The following ZNF329 variants were observed in gnomAD, a reference collection of about 807,000 sequenced individuals.
ZNF329 encodes zinc finger protein 329.
ZNF329 carries 15 observed loss-of-function variants against 26.6 expected under a neutral mutation model. The ratio of observed to expected loss-of-function variants is 0.56; its 90% CI spans 0.38 to 0.87. ZNF329 has a LOEUF of 0.87. Among genes scored for constraint, ZNF329 ranks in the 40% least tolerant of loss-of-function variants. The probability of loss-of-function intolerance (pLI) is 0.00; values close to 1 mark genes in which losing one functional copy is unlikely to be tolerated. For missense variants in ZNF329, 651 were observed against 651.9 expected (o/e 1.00, Z 0.02); for synonymous variants, 239 against 233.5 (o/e 1.02, Z -0.21).
chr19:58,128,466 G>A lies in ZNF329; in HGVS notation c.1038C>T (p.Ser346=). The change falls in exon 4 of 4, where the codon AGC becomes AGT. Residue 346 remains serine (S), a synonymous_variant. Transcript: ENST00000598312. ...IHTGEKPYEC[S]KCGKAFRDGS... The stretch of plus-strand genomic sequence containing the variant: ...CGTCCCGGAAAGCCTTTCCACATTT[G>A]CTACACTCATAGGGCTTCTCACCGG... 6.8e-6 allele frequency: 11 copies of A among 1,612,834 alleles called. No individual in the cohort carries two copies. The highest frequency in any genetic ancestry group is 9.3e-6 in the Non-Finnish European group (11 of 1,179,416).
intron 1 of ZNF329, 81 bp downstream of exon 1, chr19:58,150,671 C>G (rs991418197): frequency 2.0e-5 from 3 of 152,826 alleles, no homozygotes; most frequent in African/African-American, 4.8e-5. Flanking sequence ...CCCACAAGGA[C>G]CCGGCGGACC....
In ZNF329 at chr19:58,129,141, G is replaced by A; in HGVS notation, c.363C>T (p.Asp121=). ...PKSYADKRTG[D]SDACGKGFNH... is the part of the protein sequence containing the mutation. ...TGAAGCCTTTTCCACAGGCATCACT[G>A]TCACCAGTTCTCTTATCTGCATAAC... Residue 121 remains aspartate, a synonymous_variant, in exon 4 of 4, where the codon GAC becomes GAT. Coordinates refer to ENST00000598312, the MANE Select transcript of ZNF329 (RefSeq NM_024620.4). 1 of 1,614,102 alleles carries A rather than the reference G, an allele frequency of 6.2e-7. No homozygotes were observed. Among genetic ancestry groups the A allele is most frequent in the Non-Finnish European group, 8.5e-7 (1 of 1,180,034 alleles).
intron 3 of ZNF329, among the ~76,000 whole-genome samples, chr19:58,130,835 CCATTCATTCGTT>C (rs1421936748): frequency 6.6e-6 from 1 of 152,158 alleles, no homozygotes; most frequent in Admixed American, 6.6e-5. Flanking sequence ...AACTGGTTGT[CCATTCATTCGTT>C]CATTCATTTG....
chr19:58,128,838 G>T lies in ZNF329; in HGVS notation c.666C>A (p.His222Gln). Reference protein sequence around the residue: ...FKRNSSLVLHHRTHTGEKPYT... With the variant: ...FKRNSSLVLHQRTHTGEKPYT... The stretch of plus-strand genomic sequence containing the variant: ...AAGGCTTCTCTCCGGTGTGAGTTCG[G>T]TGATGCAAAACAAGAGAAGAGTTCC... The change falls in exon 4 of 4, where the codon CAC (histidine) becomes CAA (glutamine). Residue 222 changes from histidine to glutamine, a missense_variant. Transcript: ENST00000598312. The T allele has an allele frequency of 6.2e-7, 1 of 1,610,380 alleles. No homozygotes were observed. The highest frequency in any genetic ancestry group is 8.5e-7 in the Non-Finnish European group (1 of 1,178,482).
rs1555806029 is a variant in ZNF329 at position 58,129,213 on chromosome 19, A to C, written c.291T>G (p.Asn97Lys). The change falls in exon 4 of 4, where the codon AAT becomes AAG. Residue 97 changes from asparagine (N) to lysine (K), a missense_variant. Physicochemically the swap from Asn to Lys is moderately conservative, Grantham distance 94. Transcript: ENST00000598312. ...ATNGFHAPDS[N>K]VSGLDCDPAL... is the part of the protein sequence containing the mutation. ...CGGGGTCACAATCCAGACCACTAAC[A>C]TTTGAGTCAGGTGCATGGAAACCAT... 6.2e-7 allele frequency: 1 copy of C among 1,614,178 alleles called. No homozygotes were observed. Among genetic ancestry groups the C allele is most frequent in the East Asian group, 2.2e-5 (1 of 44,870 alleles).
chr19:58,129,585 G>T, intron 3 of ZNF329, 74 bp from the exon 4 acceptor site: 1 of 1,289,762 alleles, frequency 7.8e-7, no homozygotes, highest in Non-Finnish European at 1.1e-6. Flanking sequence ...ATGATGATGG[G>T]CTAGGTGTAA....
intron 1 of ZNF329, among the ~76,000 whole-genome samples, chr19:58,148,645 G>C (rs950649178): frequency 1.3e-5 from 2 of 152,228 alleles, no homozygotes; most frequent in South Asian, 4.1e-4. Flanking sequence ...TTAAGACCAG[G>C]AGTTCAAGAA....
intron 3 of ZNF329, among the ~76,000 whole-genome samples, chr19:58,131,058 C>T (rs2074929115): frequency 6.6e-6 from 1 of 152,014 alleles, no homozygotes; most frequent in Admixed American, 6.6e-5. Flanking sequence ...CCTCAGAATA[C>T]ATACATACAT....
intron 1 of ZNF329, among the ~76,000 whole-genome samples, chr19:58,147,317 G>A (rs1216773429): frequency 6.7e-6 from 1 of 150,136 alleles, no homozygotes; most frequent in Middle Eastern, 3.5e-3. Context: ...CCGCCAGGCA[G>A]CCGCCCCGTC....
chr19:58,128,432 G>C lies in ZNF329; in HGVS notation c.1072C>G (p.Leu358Val). Residue 358 changes from leucine to valine, a missense_variant, in exon 4 of 4, where the codon CTC (leucine) becomes GTC (valine). Leu to Val is a conservative substitution (Grantham distance 32). Transcript: ENST00000598312. ...CGKAFRDGSY[L>V]TQHERTHTGE... The stretch of plus-strand genomic sequence containing the variant: ...GTGTGAGTCCTCTCATGCTGGGTGA[G>C]GTACGAGCCGTCCCGGAAAGCCTTT... 1 of 1,613,766 alleles carries C rather than the reference G, an allele frequency of 6.2e-7. No individual in the cohort carries two copies. The highest frequency in any genetic ancestry group is 8.5e-7 in the Non-Finnish European group (1 of 1,179,868).
rs771491336 is a variant in ZNF329 at position 58,128,390 on chromosome 19, C to T, written c.1114G>A (p.Glu372Lys). Residue 372 changes from glutamate to lysine, a missense_variant, in exon 4 of 4, where the codon GAG becomes AAG. Transcript: ENST00000598312. ...AAGGATTTCCCGCACTCTGCACACT[C>T]AAAGGGCTTTTCTCCAGTGTGAGTC... is the stretch of plus-strand genomic sequence containing the variant. ...ERTHTGEKPF[E>K]CAECGKSFNR... 3.7e-6 allele frequency: 6 copies of T among 1,613,954 alleles called. No individual in the cohort carries two copies. In the African/African-American group the frequency reaches 8.0e-5, roughly 22 times the overall value.
At chr19:58,144,201 G>A (rs1188852973) in intron 1 of ZNF329, among the ~76,000 whole-genome samples, 1 of 151,728 alleles carries the variant, frequency 6.6e-6, no homozygotes, top group Non-Finnish European at 1.5e-5. Context: ...TTCAGATGGA[G>A]TCTTGCTCTG....
At chr19:58,149,076 A>G (rs1373216413) in intron 1 of ZNF329, among the ~76,000 whole-genome samples, 1 of 152,220 alleles carries the variant, frequency 6.6e-6, no homozygotes, top group Non-Finnish European at 1.5e-5. Context: ...AGCTTGCAGT[A>G]AAGGTGGCTA....
chr19:58,126,893 T>C lies in ZNF329; in HGVS notation c.*985A>G, dbSNP rs2074813619. 1 of 152,222 alleles carries C rather than the reference T, an allele frequency of 6.6e-6. No individual in the cohort carries two copies. 9.4% of individuals were successfully genotyped at this position (152,222 alleles called of 1,614,324 possible). On this transcript the variant is annotated 3_prime_UTR_variant, in exon 4 of 4. Coordinates refer to ENST00000598312, the MANE Select transcript of ZNF329 (RefSeq NM_024620.4). ...TGGTCTTGAACTCCTAACCTTGTGA[T>C]CTGGCCGCCTCGGCCTCCCAAAGTG...
intron 3 of ZNF329, among the ~76,000 whole-genome samples, chr19:58,135,113 G>A (rs901402259): frequency 6.6e-6 from 1 of 152,046 alleles, no homozygotes; most frequent in African/African-American, 2.4e-5. Flanking sequence ...ATGTTTTAAT[G>A]TAATTGTTTA....
chr19:58,148,580 T>C lies in ZNF329; in HGVS notation c.-208+2172A>G, dbSNP rs960036827. ...TTCAAATGTTCTTTTTGGCTGGGTG[T>C]GGTGGCTCACACCTGTAATCCCACC... On this transcript the variant is annotated intron_variant, in intron 1 of 3. Coordinates refer to ENST00000598312, the MANE Select transcript of ZNF329 (RefSeq NM_024620.4). Among the ~76,000 whole-genome samples the C allele has an allele frequency of 2.2e-4, 34 of 152,032 alleles. No homozygotes were observed. In the Middle Eastern group the frequency reaches 0.017, roughly 77 times the overall value.
At chr19:58,152,440 A>T (rs982377004), upstream of ZNF329, among the ~76,000 whole-genome samples, 2 of 151,704 alleles carry the variant, frequency 1.3e-5, no homozygotes, top group Middle Eastern at 3.4e-3. Context: ...AAAAAAAAAA[A>T]TCTTCACAAA....
At chr19:58,140,964 G>A (rs1201368808) in intron 3 of ZNF329, among the ~76,000 whole-genome samples, 1 of 149,556 alleles carries the variant, frequency 6.7e-6, no homozygotes, top group Non-Finnish European at 1.5e-5. Context: ...TCCACCTCCT[G>A]TGCTCAAGCG....
chr19:58,144,548 C>T (rs1184252644), intron 1 of ZNF329, among the ~76,000 whole-genome samples: 4 of 151,708 alleles, frequency 2.6e-5, no homozygotes, highest in South Asian at 4.2e-4. Context: ...TCACCACACT[C>T]GGCTAATTGT....
Sources: gnomAD v4.1 joint callset for allele counts (sites outside exome capture counted in the v4.1 genomes callset) on GRCh38, gnomAD v4.1.1 for gene constraint, MANE v1.5 for transcripts, NCBI Gene and HGNC (gene_info 2026-07-23, HGNC 2026-07-21) for gene names.